Variants in SMARCC2 observed in about 807,000 individuals in gnomAD.
SMARCC2 encodes SWI/SNF related BAF chromatin remodeling complex subunit C2, also known as SWI/SNF complex subunit SMARCC2.
A neutral mutation model predicts 151.3 loss-of-function variants in SMARCC2; 15 were observed. That is an observed-to-expected ratio of 0.10 (90% CI 0.07 to 0.15). SMARCC2 has a LOEUF of 0.15. Among genes scored for constraint, SMARCC2 ranks in the 10% least tolerant of loss-of-function variants. The pLI, the probability that SMARCC2 is intolerant of heterozygous loss-of-function variation, is 1.00. For missense variants in SMARCC2, 1,031 were observed against 1,599.7 expected, an observed-to-expected ratio of 0.64 and a Z score of 6.06; for synonymous variants, 590 against 609.5, an observed-to-expected ratio of 0.97 and a Z score of 0.47.
intron 2 of SMARCC2, 61 bp from the exon 3 acceptor site, chr12:56,186,301 T>TA (rs1208850729): frequency 1.0e-6 from 1 of 965,322 alleles, no homozygotes; most frequent in Non-Finnish European, 1.7e-6. Flanking sequence ...TCTCATCACT[T>TA]AATAATCTAA....
chr12:56,172,281 T>C, intron 20 of SMARCC2, 147 bp downstream of exon 20: 2 of 687,360 alleles, frequency 2.9e-6, no homozygotes, highest in Non-Finnish European at 4.7e-6. Flanking sequence ...GGAGTCTCAC[T>C]ATGTTGCCCA....
At chr12:56,183,666 CA>C (rs1215112373) in intron 7 of SMARCC2, 194 bp downstream of exon 7, 3 of 513,148 alleles carry the variant, frequency 5.8e-6, no homozygotes, top group African/African-American at 5.7e-5. Flanking sequence ...CATAAAGCCT[CA>C]ATCCTTTTAG....
In SMARCC2 at chr12:56,162,719, A is replaced by T. The variant is rs936076233; in HGVS notation, c.*970T>A. 1.6e-4 allele frequency: 30 copies of T among 187,128 alleles called. 1 individual carries two copies. The South Asian group carries it at 2.1e-3, about 13-fold the overall frequency. The allele number at this position is 187,128 out of a possible 1,614,324, so 11.6% of individuals were successfully genotyped here. ...CCCAGCTATCAGCTGAAGTTCTCAT[A>T]GTCTTGGTGGGAGAGGGAGGAAGCT... On this transcript the variant is annotated 3_prime_UTR_variant, in exon 29 of 29. Coordinates refer to ENST00000550164, the MANE Select transcript of SMARCC2 (RefSeq NM_001330288.2).
In SMARCC2 at chr12:56,167,062, C is replaced by CAA. The variant is rs775299815; in HGVS notation, c.2850+996_2850+997dup. 5.5e-4 allele frequency among the ~76,000 whole-genome samples: 39 copies of CAA among 70,618 alleles called. 2 individuals are homozygous for CAA. Among genetic ancestry groups the CAA allele is most frequent in the African/African-American group, 1.7e-3 (35 of 20,020 alleles). 46.3% of individuals were successfully genotyped at this position (70,618 alleles called of 152,430 possible). On this transcript the variant is annotated intron_variant, in intron 26 of 28. Coordinates refer to ENST00000550164, the MANE Select transcript of SMARCC2 (RefSeq NM_001330288.2). ...TGGGCGAAAGAGTAAGACTCCATCT[C>CAA]AAAAAAAAAAAAAAAAGCGTGATGA...
rs1322450409 is a variant in SMARCC2, at chr12:56,175,033, T to C, written c.1383-269A>G. ...TTTCATACAATTTTTTTTTTTGAGA[T>C]GGAGTTTCCCTCTTGTTGCCCAGGC... On this transcript the variant is annotated intron_variant, in intron 15 of 28. Transcript: ENST00000550164. 3.3e-5 allele frequency among the ~76,000 whole-genome samples: 5 copies of C among 152,148 alleles called. No individual in the cohort carries two copies. The East Asian group carries it at 9.6e-4, about 29-fold the overall frequency.
intron 7 of SMARCC2, among the ~76,000 whole-genome samples, chr12:56,183,067 T>C (rs1000141943): frequency 6.6e-6 from 1 of 151,698 alleles, no homozygotes; most frequent in South Asian, 2.1e-4. Context: ...CTCAAACTCC[T>C]GGGCTCAAGC....
At chr12:56,181,672 G>A in intron 9 of SMARCC2, 32 bp downstream of exon 9, 2 of 1,614,026 alleles carry the variant, frequency 1.2e-6, no homozygotes, top group Non-Finnish European at 1.7e-6. Flanking sequence ...TTATGCTAAG[G>A]GCGCCAGGAA....
rs757122968 is a variant in SMARCC2, at chr12:56,172,648, T to C, written c.1800A>G (p.Pro600=). ...GCAGCCCAAAGTTTTGCATGTCTGTTGGTTTCTCTTTGCCTTTGTCAGGAA... is the reference window on the plus strand; with the variant it reads ...GCAGCCCAAAGTTTTGCATGTCTGTCGGTTTCTCTTTGCCTTTGTCAGGAA... ...LNFPDKGKEK[P]TDMQNFGLRT... The change falls in exon 19 of 29, where the codon CCA becomes CCG. Residue 600 remains proline (P), a synonymous_variant. Transcript: ENST00000550164. 1 of 1,614,248 alleles carries C rather than the reference T, an allele frequency of 6.2e-7. No individual in the cohort carries two copies. Among genetic ancestry groups the C allele is most frequent in the South Asian group, 1.1e-5 (1 of 91,086 alleles).
In SMARCC2 at chr12:56,165,477, C is replaced by T. The variant is rs767140117; in HGVS notation, c.3073G>A (p.Val1025Ile). ...GCCCCACTGCCAGCAGGAGCAGGGA[C>T]TACAGAGGCTGGAGCCACAGCCAAG... Reference protein sequence around the residue: ...HGLAVAPASVVPAPAGSGAPP... With the variant: ...HGLAVAPASVIPAPAGSGAPP... The change falls in exon 27 of 29, where the codon GTC becomes ATC. Residue 1025 changes from valine to isoleucine, a missense_variant. By Grantham distance (29) the Val-to-Ile change is conservative. Transcript: ENST00000550164. 3.2e-6 allele frequency: 5 copies of T among 1,566,096 alleles called. No individual in the cohort carries two copies. The South Asian group carries it at 6.0e-5, about 19-fold the overall frequency.
intron 16 of SMARCC2, 106 bp downstream of exon 16, chr12:56,174,545 T>C: frequency 1.4e-6 from 1 of 731,496 alleles, no homozygotes; most frequent in Non-Finnish European, 2.4e-6. Context: ...AGGTGCTTTT[T>C]TCTGTCTGCT....
chr12:56,188,058 C>G (rs1471173652), intron 1 of SMARCC2, among the ~76,000 whole-genome samples: 2 of 152,264 alleles, frequency 1.3e-5, no homozygotes, highest in South Asian at 2.1e-4. Flanking sequence ...TTTCTCCCCA[C>G]TCATCACAAA....
chr12:56,169,489 G>T (rs1873489299), intron 25 of SMARCC2, 40 bp downstream of exon 25: 1 of 1,600,956 alleles, frequency 6.2e-7, no homozygotes, highest in African/African-American at 1.3e-5. Flanking sequence ...TTAGAGAAGT[G>T]GACATTTTCT....
chr12:56,173,088 TG>T, intron 17 of SMARCC2, 59 bp from the exon 18 acceptor site: 1 of 1,526,162 alleles, frequency 6.6e-7, no homozygotes, highest in Non-Finnish European at 9.1e-7. Context: ...GCCAAGGCCC[TG>T]GAGGCCTCAA....
intron 27 of SMARCC2, among the ~76,000 whole-genome samples, chr12:56,165,109 T>C (rs1263135748): frequency 6.6e-6 from 1 of 152,216 alleles, no homozygotes; most frequent in East Asian, 1.9e-4. Flanking sequence ...TCTTCCCCTT[T>C]TCTGACACTA....
At chr12:56,168,836 C>T (rs149766113) in intron 25 of SMARCC2, among the ~76,000 whole-genome samples, 5 of 152,050 alleles carry the variant, frequency 3.3e-5, no homozygotes, top group Admixed American at 6.5e-5. Context: ...AAAAATTAAC[C>T]GGGCATGCTG....
rs758455121 is a variant in SMARCC2 at position 56,186,141 on chromosome 12, G to A, written c.317+14C>T. The stretch of plus-strand genomic sequence containing the variant: ...CTAAACTAAATATAAGAAGAATAGA[G>A]AGAATCATCTCACCATCCCTGGTCA... On this transcript the variant is annotated intron_variant, in intron 3 of 28. Coordinates refer to ENST00000550164, the MANE Select transcript of SMARCC2 (RefSeq NM_001330288.2). The A allele has an allele frequency of 6.5e-7, 1 of 1,548,214 alleles. No homozygotes were observed. The highest frequency in any genetic ancestry group is 8.9e-7 in the Non-Finnish European group (1 of 1,120,032).
intron 25 of SMARCC2, among the ~76,000 whole-genome samples, chr12:56,169,156 G>A (rs958981232): frequency 1.3e-5 from 2 of 151,312 alleles, no homozygotes. Context: ...TTAGCCAGGC[G>A]TGGTGTAGCA....
In SMARCC2 at chr12:56,184,963, T is replaced by C. The variant is rs757406276; in HGVS notation, c.400-27A>G. On this transcript the variant is annotated intron_variant, in intron 4 of 28. Coordinates refer to ENST00000550164, the MANE Select transcript of SMARCC2 (RefSeq NM_001330288.2). Reference sequence around the variant, plus strand: ...TGTGGAGAGAAGAAATAGAATGAGATTATAGGAAAGGGGTGTTTTAGATTC... The same window carrying C: ...TGTGGAGAGAAGAAATAGAATGAGACTATAGGAAAGGGGTGTTTTAGATTC... 1.8e-5 allele frequency: 29 copies of C among 1,597,764 alleles called. No individual in the cohort carries two copies. The highest frequency in any genetic ancestry group is 2.5e-5 in the Non-Finnish European group (29 of 1,165,440).
chr12:56,188,135 G>C (rs1877621226), intron 1 of SMARCC2, among the ~76,000 whole-genome samples: 1 of 152,198 alleles, frequency 6.6e-6, no homozygotes, highest in African/African-American at 2.4e-5. Flanking sequence ...AAATGACAAA[G>C]AGCTAAGAGC....
Sources: gnomAD v4.1 joint callset for allele counts (sites outside exome capture counted in the v4.1 genomes callset) on GRCh38, gnomAD v4.1.1 for gene constraint, MANE v1.5 for transcripts, NCBI Gene and HGNC (gene_info 2026-07-23, HGNC 2026-07-21) for gene names.